Variants in TAOK3 observed in about 807,000 individuals in gnomAD.
TAOK3 encodes the protein TAO kinase 3, also known as serine/threonine-protein kinase TAO3.
In TAOK3, 40 loss-of-function variants were observed where a neutral mutation model predicts 120.4. The ratio of observed to expected loss-of-function variants is 0.33; its 90% confidence interval spans 0.26 to 0.43. The LOEUF is 0.43. Among genes scored for constraint, TAOK3 ranks in the 20% least tolerant of loss-of-function variants. The pLI is 1.00. For synonymous variants in TAOK3, 355 were observed against 387.5 expected, an observed-to-expected ratio of 0.92 and a Z score of 0.99; for missense variants, 821 against 1,112.1, an observed-to-expected ratio of 0.74 and a Z score of 3.72.
rs2041462458 is a variant in TAOK3 at position 118,266,666 on chromosome 12, T to C, written c.-100A>G. 1 of 398,024 alleles carries C rather than the reference T, an allele frequency of 2.5e-6. No homozygotes were observed. Among genetic ancestry groups the C allele is most frequent in the Non-Finnish European group, 4.4e-6 (1 of 225,848 alleles). The allele number at this position is 398,024 out of a possible 1,614,324, so 24.7% of individuals were successfully genotyped here. ...TGTATGGACAATACCTTTTTGTGTG[T>C]GGCACAAAATATTCCATATTGCTCA... On this transcript the variant is annotated 5_prime_UTR_variant, in exon 2 of 21. Transcript: ENST00000392533.
chr12:118,342,707 G>T (rs180898385), intron 1 of TAOK3, among the ~76,000 whole-genome samples: 2 of 152,270 alleles, frequency 1.3e-5, no homozygotes. Context: ...GCTGAGGCAA[G>T]CAGATTGCTT....
intron 1 of TAOK3, among the ~76,000 whole-genome samples, chr12:118,331,337 A>G (rs1346185599): frequency 6.6e-6 from 1 of 152,048 alleles, no homozygotes; most frequent in East Asian, 1.9e-4. Context: ...CTTTGGGCCC[A>G]CTGCTTACTC....
rs1236865420 is a variant in TAOK3, at chr12:118,272,568, G to A, written c.-193-5809C>T. On this transcript the variant is annotated intron_variant, in intron 1 of 20. Transcript: ENST00000392533. ...GAATTAGAATGTTTCATACTGGAAAGAATTTTAAAGATACACCATTTCAAC... is the reference window on the plus strand; with the variant it reads ...GAATTAGAATGTTTCATACTGGAAAAAATTTTAAAGATACACCATTTCAAC... Among the ~76,000 whole-genome samples, 5 of 152,126 alleles carry A rather than the reference G, an allele frequency of 3.3e-5. No individual in the cohort carries two copies. In the South Asian group the frequency reaches 1.0e-3, roughly 32 times the overall value.
chr12:118,308,102 A>C (rs2043117554), intron 1 of TAOK3, among the ~76,000 whole-genome samples: 1 of 152,168 alleles, frequency 6.6e-6, no homozygotes, highest in African/African-American at 2.4e-5. Flanking sequence ...CCTTGCTGAT[A>C]AAACAGGTTG....
chr12:118,327,388 G>T (rs1163519274), intron 1 of TAOK3, among the ~76,000 whole-genome samples: 2 of 152,226 alleles, frequency 1.3e-5, no homozygotes, highest in East Asian at 1.9e-4. Context: ...TCTAATCATA[G>T]CATGAAAGCT....
chr12:118,177,265 T>C lies in TAOK3; in HGVS notation c.1631A>G (p.Asp544Gly). 1 of 1,613,452 alleles carries C rather than the reference T, an allele frequency of 6.2e-7. No homozygotes were observed. The highest frequency in any genetic ancestry group is 1.7e-5 in the Admixed American group (1 of 60,010). ...QQQILAQQKK[D>G]LTTFLESQKK... is the part of the protein sequence containing the mutation. The stretch of plus-strand genomic sequence containing the variant: ...CTGACTTTCTAAGAAAGTTGTCAAA[T>C]CTTTCTTCTGCTGGGCCAAGATCTG... The change falls in exon 16 of 21, where the codon GAT (aspartate) becomes GGT (glycine). Residue 544 changes from aspartate to glycine, a missense_variant. Asp to Gly is a moderately conservative substitution (Grantham distance 94). Around this residue, in one of 2 missense-constraint regions of TAOK3, gnomAD observed 354 missense variants for 572.1 expected, o/e 0.62. Coordinates refer to ENST00000392533, the MANE Select transcript of TAOK3 (RefSeq NM_016281.4).
rs1302562770 is a variant in TAOK3 at position 118,256,276 on chromosome 12, G to GA, written c.-88-622dup. 2.6e-5 allele frequency among the ~76,000 whole-genome samples: 4 copies of GA among 152,308 alleles called. No individual in the cohort carries two copies. The East Asian group carries it at 7.7e-4, about 29-fold the overall frequency. On this transcript the variant is annotated intron_variant, in intron 2 of 20. Coordinates refer to ENST00000392533, the MANE Select transcript of TAOK3 (RefSeq NM_016281.4). ...GTCAAAAAGTAAGATAAGTGTTTGT[G>GA]AAAATGCTGAGAAATTAGAACCCTC...
At chr12:118,235,752 CAA>C in intron 7 of TAOK3, 81 bp from the exon 8 acceptor site, 3 of 856,260 alleles carry the variant, frequency 3.5e-6, no homozygotes, top group African/African-American at 3.4e-5. Context: ...ATTAATAAGA[CAA>C]AAAGTTTATT....
intron 13 of TAOK3, among the ~76,000 whole-genome samples, chr12:118,196,722 T>C (rs527956355): frequency 6.6e-6 from 1 of 152,314 alleles, no homozygotes; most frequent in Admixed American, 6.5e-5. Context: ...TTTTGATCCA[T>C]TATGTTCAAT....
Position 118,161,897 on chromosome 12 carries a change from A to G in TAOK3, c.2030T>C (p.Leu677Ser). 1 of 1,614,134 alleles carries G rather than the reference A, an allele frequency of 6.2e-7. No homozygotes were observed. The highest frequency in any genetic ancestry group is 8.5e-7 in the Non-Finnish European group (1 of 1,180,046). The stretch of plus-strand genomic sequence containing the variant: ...GTTTTCCAGTTCCGTCTGGTGCTGT[A>G]AACGGATCAGATCCATGCGTAGCTT... ...LQKLRMDLIR[L>S]QHQTELENQL... The change falls in exon 18 of 21, where the codon TTA (leucine) becomes TCA (serine). Residue 677 changes from leucine (L) to serine (S), a missense_variant. By Grantham distance (145) the Leu-to-Ser change is moderately radical. Transcript: ENST00000392533. The surrounding 1 kb of genome is among the most constrained non-coding windows in gnomAD (Gnocchi z 4.5).
chr12:118,223,198 G>T (rs1245814861), intron 9 of TAOK3, among the ~76,000 whole-genome samples: 3 of 138,994 alleles, frequency 2.2e-5, no homozygotes, highest in African/African-American at 8.2e-5. Context: ...GCCTCTCCGA[G>T]TAGCTGGGAC....
intron 15 of TAOK3, 78 bp from the exon 16 acceptor site, chr12:118,177,407 T>C: frequency 2.4e-6 from 3 of 1,275,430 alleles, no homozygotes; most frequent in Non-Finnish European, 3.3e-6. Context: ...TCCAGTGCAG[T>C]AAGACAGTCC....
At chr12:118,344,672 T>TA (rs1038411428) in intron 1 of TAOK3, among the ~76,000 whole-genome samples, 1 of 151,816 alleles carries the variant, frequency 6.6e-6, no homozygotes, top group Non-Finnish European at 1.5e-5. Context: ...TTTGCAGAAG[T>TA]AAAAAAAATA....
intron 1 of TAOK3, among the ~76,000 whole-genome samples, chr12:118,367,988 T>C (rs2045787050): frequency 6.6e-6 from 1 of 152,166 alleles, no homozygotes; most frequent in African/African-American, 2.4e-5. Flanking sequence ...AAATTAGATA[T>C]CAAGGTAGTC....
In TAOK3 at chr12:118,214,084, T is replaced by C. The variant is rs2038761927; in HGVS notation, c.670A>G (p.Met224Val). 1 of 1,609,782 alleles carries C rather than the reference T, an allele frequency of 6.2e-7. No homozygotes were observed. The highest frequency in any genetic ancestry group is 1.3e-5 in the African/African-American group (1 of 74,658). ...LAERKPPLFN[M>V]NAMSALYHIA... ...TGATATAAGGCACTCATTGCATTCATGTTGAAAAGGGGCGGCTTCCGTTCC... is the reference window on the plus strand; with the variant it reads ...TGATATAAGGCACTCATTGCATTCACGTTGAAAAGGGGCGGCTTCCGTTCC... The change falls in exon 10 of 21, where the codon ATG becomes GTG. Residue 224 changes from methionine to valine, a missense_variant. Physicochemically the swap from Met to Val is conservative, Grantham distance 21 (BLOSUM62 1). This residue lies in a region of TAOK3 where 467 missense variants were observed against 540.0 expected (regional missense o/e 0.86). Coordinates refer to ENST00000392533, the MANE Select transcript of TAOK3 (RefSeq NM_016281.4).
chr12:118,223,475 T>C (rs952725721), intron 9 of TAOK3, among the ~76,000 whole-genome samples: 1 of 151,756 alleles, frequency 6.6e-6, no homozygotes, highest in Non-Finnish European at 1.5e-5. Flanking sequence ...GCCTCCTGAA[T>C]AGCTGGGACT....
chr12:118,291,353 G>T (rs1380738774), intron 1 of TAOK3, among the ~76,000 whole-genome samples: 1 of 151,280 alleles, frequency 6.6e-6, no homozygotes, highest in Non-Finnish European at 1.5e-5. Context: ...CAGAGACAGG[G>T]TTTTACCATG....
At chr12:118,240,976 AT>A (rs1234887287) in intron 5 of TAOK3, among the ~76,000 whole-genome samples, 3 of 149,634 alleles carry the variant, frequency 2.0e-5, no homozygotes, top group Non-Finnish European at 4.4e-5. Context: ...ATAGTTATAT[AT>A]TATAAATATC....
In TAOK3 at chr12:118,219,138, ATGC is replaced by A. The variant is rs528868520; in HGVS notation, c.644-5031_644-5029del. On this transcript the variant is annotated intron_variant, in intron 9 of 20. Transcript: ENST00000392533. Reference sequence around the variant, plus strand: ...GAAGTAACCTATTTTTCCCTCTCTCATGCTTTACGTGTGCTTCACTCAAAGAAC... The same window carrying A: ...GAAGTAACCTATTTTTCCCTCTCTCATTTACGTGTGCTTCACTCAAAGAAC... Among the ~76,000 whole-genome samples, 990 of 152,114 alleles carry A rather than the reference ATGC, an allele frequency of 6.5e-3. 5 individuals are homozygous for A. Among genetic ancestry groups the A allele is most frequent in the Middle Eastern group, 0.027 (8 of 294 alleles).
Sources: gnomAD v4.1 joint callset for allele counts (sites outside exome capture counted in the v4.1 genomes callset) on GRCh38, gnomAD v4.1.1 for gene constraint, gnomAD v4.1.1 regional missense constraint, Gnocchi (gnomAD v3.1) non-coding constraint, MANE v1.5 for transcripts, NCBI Gene and HGNC (gene_info 2026-07-23, HGNC 2026-07-21) for gene names.